Variants in MYRIP observed in about 807,000 individuals in gnomAD.
The protein encoded by MYRIP is rab effector MyRIP.
Under a neutral mutation model 98.0 loss-of-function variants are expected in MYRIP, and 49 were observed. The ratio of observed to expected loss-of-function variants is 0.50; its 90% CI spans 0.40 to 0.63. MYRIP has a LOEUF of 0.63. Ranked by LOEUF, MYRIP falls within the 30% of genes least tolerant of loss-of-function variation. The pLI is 0.00. For synonymous variants in MYRIP, 404 were observed against 409.5 expected (o/e 0.99, Z 0.16); for missense variants, 1,004 against 1,058.2 (o/e 0.95, Z 0.71).
At chr3:40,133,177 C>A (rs1012739818) in intron 3 of MYRIP, among the ~76,000 whole-genome samples, 1 of 152,198 alleles carries the variant, frequency 6.6e-6, no homozygotes, top group Admixed American at 6.5e-5. Flanking sequence ...GGAAGGAGTG[C>A]TAAGAAAATT....
intron 2 of MYRIP, among the ~76,000 whole-genome samples, chr3:39,977,005 C>G (rs1019013029): frequency 1.3e-5 from 2 of 152,050 alleles, no homozygotes; most frequent in Non-Finnish European, 2.9e-5. Context: ...TGTAACTAAC[C>G]TGCACGTTGT....
intron 11 of MYRIP, among the ~76,000 whole-genome samples, chr3:40,227,387 A>ACTCT (rs139915991): frequency 1.4e-5 from 2 of 143,158 alleles, no homozygotes; most frequent in East Asian, 4.1e-4. Flanking sequence ...ATGGAAATGT[A>ACTCT]CTCTCTCTCT....
At chr3:40,024,907 A>G (rs1016548170) in intron 2 of MYRIP, among the ~76,000 whole-genome samples, 1 of 152,182 alleles carries the variant, frequency 6.6e-6, no homozygotes, top group Admixed American at 6.5e-5. Context: ...ATAATTCCAG[A>G]CATTTATGGG....
chr3:40,221,042 CAAAAAAAAA>C lies in MYRIP; in HGVS notation c.1905+10965_1905+10973del, dbSNP rs150976340. Among the ~76,000 whole-genome samples, 28 of 61,600 alleles carry C rather than the reference CAAAAAAAAA, an allele frequency of 4.5e-4. No individual in the cohort carries two copies. In the East Asian group the frequency reaches 5.0e-3, roughly 11 times the overall value. 40.4% of individuals were successfully genotyped at this position (61,600 alleles called of 152,430 possible). A position where few individuals can be genotyped will look rare whatever the true frequency, so the allele number is the denominator to read the frequency against. On this transcript the variant is annotated intron_variant, in intron 11 of 16. Coordinates refer to ENST00000302541, the MANE Select transcript of MYRIP (RefSeq NM_015460.4). The stretch of plus-strand genomic sequence containing the variant: ...GTAATGTACAAAGCAGGCAAGTCAC[CAAAAAAAAA>C]AAAAAAAAAAAAAAAGAGAAAATGT...
At chr3:39,888,717 G>T (rs201415313) in intron 1 of MYRIP, among the ~76,000 whole-genome samples, 3,670 of 152,172 alleles carry the variant, frequency 0.024, 106 homozygotes, top group East Asian at 0.089. Flanking sequence ...CACAGCAAAA[G>T]AAACTACCAT....
At chr3:39,815,405 G>C (rs1940868684) in intron 1 of MYRIP, among the ~76,000 whole-genome samples, 1 of 152,042 alleles carries the variant, frequency 6.6e-6, no homozygotes. Flanking sequence ...ATATATGTGT[G>C]TGTGTGTGTA....
intron 1 of MYRIP, among the ~76,000 whole-genome samples, chr3:39,869,165 A>G (rs1295066261): frequency 6.6e-6 from 1 of 152,118 alleles, no homozygotes; most frequent in Non-Finnish European, 1.5e-5. Flanking sequence ...TTTTAAGATC[A>G]CTTCTGTTTT....
intron 4 of MYRIP, 73 bp from the exon 5 acceptor site, chr3:40,162,655 GAC>G (rs1950420676): frequency 6.0e-6 from 8 of 1,324,310 alleles, no homozygotes; most frequent in Middle Eastern, 1.9e-4. Flanking sequence ...CCAGTTCAGT[GAC>G]ACAGTGCATC....
chr3:40,013,761 A>G (rs1202249484), intron 2 of MYRIP, among the ~76,000 whole-genome samples: 1 of 152,220 alleles, frequency 6.6e-6, no homozygotes, highest in Non-Finnish European at 1.5e-5. Flanking sequence ...TCACTGTGCA[A>G]CTAAATGGAA....
intron 15 of MYRIP, among the ~76,000 whole-genome samples, chr3:40,251,371 G>A (rs765243676): frequency 6.6e-6 from 1 of 152,060 alleles, no homozygotes; most frequent in Non-Finnish European, 1.5e-5. Context: ...AATTTCTTGG[G>A]CATTAGAAAG....
intron 5 of MYRIP, 46 bp downstream of exon 5, chr3:40,162,856 A>G: frequency 1.3e-6 from 2 of 1,545,068 alleles, no homozygotes; most frequent in South Asian, 2.2e-5. Context: ...TTGGAGTAAT[A>G]GAAACACCTA....
intron 11 of MYRIP, among the ~76,000 whole-genome samples, chr3:40,228,635 G>T (rs1277387063): frequency 6.6e-6 from 1 of 152,190 alleles, no homozygotes; most frequent in Non-Finnish European, 1.5e-5. Context: ...TTTTGCTCTT[G>T]TTCTTGTTAT....
chr3:39,871,804 T>C (rs1942797315), intron 1 of MYRIP, among the ~76,000 whole-genome samples: 1 of 152,124 alleles, frequency 6.6e-6, no homozygotes, highest in African/African-American at 2.4e-5. Flanking sequence ...TTATCTAGAA[T>C]TATTTTTTAA....
intron 3 of MYRIP, among the ~76,000 whole-genome samples, chr3:40,094,005 G>A (rs142296043): frequency 1.4e-4 from 21 of 152,014 alleles, no homozygotes; most frequent in East Asian, 1.4e-3. Flanking sequence ...CTACCACAAG[G>A]CCTTTGCACG....
intron 4 of MYRIP, among the ~76,000 whole-genome samples, chr3:40,154,023 C>T (rs567956284): frequency 1.3e-5 from 2 of 152,134 alleles, no homozygotes; most frequent in South Asian, 4.2e-4. Flanking sequence ...ACCTGTACTC[C>T]CAGCTACTTG....
chr3:40,072,603 T>A (rs952861199), intron 3 of MYRIP, among the ~76,000 whole-genome samples: 4 of 152,242 alleles, frequency 2.6e-5, no homozygotes, highest in African/African-American at 9.6e-5. Context: ...CAAAATATAT[T>A]CAAATTTCTT....
intron 2 of MYRIP, among the ~76,000 whole-genome samples, chr3:39,973,896 A>C (rs1179671764): frequency 6.6e-6 from 1 of 152,244 alleles, no homozygotes. Context: ...GACGCATTCA[A>C]AGCAGTGTGT....
At chr3:39,909,489 A>G (rs1421725425) in intron 2 of MYRIP, among the ~76,000 whole-genome samples, 1 of 152,194 alleles carries the variant, frequency 6.6e-6, no homozygotes, top group Non-Finnish European at 1.5e-5. Flanking sequence ...GATGAGCTAA[A>G]TCCTATATGA....
chr3:39,958,918 A>G (rs1945246619), intron 2 of MYRIP, among the ~76,000 whole-genome samples: 1 of 152,236 alleles, frequency 6.6e-6, no homozygotes, highest in African/African-American at 2.4e-5. Context: ...CAACAGACAC[A>G]TGAAAAAATG....
Sources: gnomAD v4.1 joint callset for allele counts (sites outside exome capture counted in the v4.1 genomes callset) on GRCh38, gnomAD v4.1.1 for gene constraint, MANE v1.5 for transcripts, NCBI Gene and HGNC (gene_info 2026-07-23, HGNC 2026-07-21) for gene names.